Variants in LOC728392 observed in about 807,000 individuals in gnomAD.
the LOC728392 span, chr17:5,500,980 T>A: frequency 1.6e-6 from 2 of 1,231,142 alleles, no homozygotes; most frequent in Non-Finnish European, 1.1e-6. The surrounding 1 kb of genome is among the most constrained non-coding windows in gnomAD (Gnocchi z 5.4). Flanking sequence ...GGTAGGTGGG[T>A]CAGCCGGGTC....
the LOC728392 span, chr17:5,499,725 G>A: frequency 5.1e-6 from 5 of 971,436 alleles, no homozygotes; most frequent in African/African-American, 8.8e-5. Context: ...AAGTGAGCCG[G>A]GCCAGAACGA....
chr17:5,500,781 T>G, the LOC728392 span: 3 of 1,177,764 alleles, frequency 2.5e-6, no homozygotes, highest in African/African-American at 1.7e-5. This position sits in a 1 kb window ranked among gnomAD's most constrained non-coding sequence, Gnocchi z 5.4. Context: ...GCGGCCCCCC[T>G]GCGCCCTCCC....
chr17:5,500,916 T>G, the LOC728392 span: 3 of 1,262,080 alleles, frequency 2.4e-6, no homozygotes, highest in Non-Finnish European at 3.1e-6. The surrounding 1 kb of genome is among the most constrained non-coding windows in gnomAD (Gnocchi z 5.4). Flanking sequence ...GCGAATCTGC[T>G]CGAGACCCCA....
the LOC728392 span, chr17:5,499,852 C>T: frequency 1.1e-4 from 112 of 985,834 alleles, no homozygotes; most frequent in Non-Finnish European, 1.3e-4. Context: ...TCTGCAGCCA[C>T]AGGTCCCGCG....
the LOC728392 span, chr17:5,500,789 C>A: frequency 1.4e-5 from 16 of 1,160,822 alleles, no homozygotes; most frequent in Non-Finnish European, 1.7e-5. The surrounding 1 kb of genome is among the most constrained non-coding windows in gnomAD (Gnocchi z 5.4). Context: ...CCTGCGCCCT[C>A]CCGCCCGCGC....
At chr17:5,499,896 T>A in the LOC728392 span, 7 of 985,366 alleles carry the variant, frequency 7.1e-6, no homozygotes, top group East Asian at 8.0e-4. Context: ...GGTCTCCTGG[T>A]GAGACAGCTC....
At chr17:5,500,960 C>T in the LOC728392 span, 3 of 1,246,200 alleles carry the variant, frequency 2.4e-6, no homozygotes, top group Non-Finnish European at 3.1e-6. This position sits in a 1 kb window ranked among gnomAD's most constrained non-coding sequence, Gnocchi z 5.4. Context: ...CAGCCATGGG[C>T]AGGATCGCGG....
chr17:5,500,871 G>T, the LOC728392 span: 4 of 1,247,358 alleles, frequency 3.2e-6, no homozygotes, highest in Non-Finnish European at 4.2e-6. This position sits in a 1 kb window ranked among gnomAD's most constrained non-coding sequence, Gnocchi z 5.4. Flanking sequence ...TTCCGGGGGA[G>T]GCTTGTCAAA....
the LOC728392 span, chr17:5,500,311 G>T: frequency 9.8e-7 from 1 of 1,022,160 alleles, no homozygotes; most frequent in Non-Finnish European, 1.2e-6. The surrounding 1 kb of genome is among the most constrained non-coding windows in gnomAD (Gnocchi z 5.4). Flanking sequence ...GAGTGGTAGG[G>T]GTCCAGGGGC....
the LOC728392 span, chr17:5,500,968 C>T: frequency 1.6e-6 from 2 of 1,239,204 alleles, no homozygotes; most frequent in South Asian, 1.3e-5. The surrounding 1 kb of genome is among the most constrained non-coding windows in gnomAD (Gnocchi z 5.4). Flanking sequence ...GGCAGGATCG[C>T]GGGTAGGTGG....
the LOC728392 span, chr17:5,500,664 A>T: frequency 6.3e-6 from 8 of 1,274,258 alleles, no homozygotes; most frequent in Non-Finnish European, 8.2e-6. This position sits in a 1 kb window ranked among gnomAD's most constrained non-coding sequence, Gnocchi z 5.4. Flanking sequence ...GGCTGCGTAG[A>T]TGAAGATGGA....
chr17:5,500,959 G>A, the LOC728392 span: 1 of 1,246,852 alleles, frequency 8.0e-7, no homozygotes. This position sits in a 1 kb window ranked among gnomAD's most constrained non-coding sequence, Gnocchi z 5.4. Context: ...TCAGCCATGG[G>A]CAGGATCGCG....
chr17:5,500,593 C>T, the LOC728392 span: 1 of 1,247,190 alleles, frequency 8.0e-7, no homozygotes, highest in Non-Finnish European at 1.0e-6. The surrounding 1 kb of genome is among the most constrained non-coding windows in gnomAD (Gnocchi z 5.4). Context: ...CCCGCGCTGG[C>T]CACTCAGGCA....
the LOC728392 span, chr17:5,500,831 C>G: frequency 8.4e-7 from 1 of 1,194,938 alleles, no homozygotes; most frequent in South Asian, 1.5e-5. The surrounding 1 kb of genome is among the most constrained non-coding windows in gnomAD (Gnocchi z 5.4). Flanking sequence ...CGGCCGACGC[C>G]GACCTGGGCC....
chr17:5,499,652 C>G, the LOC728392 span: 1 of 582,462 alleles, frequency 1.7e-6, no homozygotes, highest in Non-Finnish European at 2.2e-6. Flanking sequence ...GTGGTTTTCC[C>G]GCACGAACTC....
chr17:5,499,542 T>C, the LOC728392 span: 2 of 154,190 alleles, frequency 1.3e-5, no homozygotes, highest in Non-Finnish European at 2.9e-5. Context: ...CATTTAACAT[T>C]CATGAGTAAA....
At chr17:5,500,711 C>T in the LOC728392 span, 2 of 1,253,508 alleles carry the variant, frequency 1.6e-6, no homozygotes, top group Middle Eastern at 2.2e-4. The surrounding 1 kb of genome is among the most constrained non-coding windows in gnomAD (Gnocchi z 5.4). Flanking sequence ...AGCCCTCGTC[C>T]AGTGGAGGCG....
the LOC728392 span, chr17:5,500,857 G>A: frequency 8.1e-7 from 1 of 1,233,578 alleles, no homozygotes; most frequent in Non-Finnish European, 1.0e-6. The surrounding 1 kb of genome is among the most constrained non-coding windows in gnomAD (Gnocchi z 5.4). Flanking sequence ...GCAGCGGGAG[G>A]GTCTTCCGGG....
At chr17:5,500,032 G>A in the LOC728392 span, 1 of 986,148 alleles carries the variant, frequency 1.0e-6, no homozygotes, top group Non-Finnish European at 1.2e-6. This position sits in a 1 kb window ranked among gnomAD's most constrained non-coding sequence, Gnocchi z 5.4. Flanking sequence ...GCCACTTACC[G>A]AGTCCCGCCC....
Sources: allele counts gnomAD v4.1 joint callset, GRCh38; gene constraint gnomAD v4.1.1; non-coding constraint Gnocchi (gnomAD v3.1); transcripts MANE v1.5.